HNF1A: variants seen among roughly 807,000 people sequenced by gnomAD.
HNF1A encodes the protein hepatocyte nuclear factor 1-alpha.
In HNF1A, 21 loss-of-function variants were observed where a neutral mutation model predicts 62.2. The observed-to-expected ratio is 0.34, with a 90% CI of 0.24 to 0.49. The LOEUF (loss-of-function observed/expected upper bound fraction) is 0.49, where lower values mean the gene tolerates loss of function less well. Among genes scored for constraint, HNF1A ranks in the 20% least tolerant of loss-of-function variants. The pLI is 0.99. For missense variants in HNF1A, 687 were observed against 832.3 expected (o/e 0.83, Z 2.15); for synonymous variants, 374 against 366.8 (o/e 1.02, Z -0.22).
Position 120,979,085 on chromosome 12 carries a change from C to A in HNF1A, c.317C>A (p.Thr106Asn). ...GCCCACCAGAAAGCCGTGGTGGAGA[C>A]CCTTCTGCAGTAAGGAGCCCTGCCC... ...EAAHQKAVVE[T>N]LLQEDPWRVA... The change falls in exon 1 of 10, where the codon ACC (threonine) becomes AAC (asparagine). Residue 106 changes from threonine to asparagine, a missense_variant. By Grantham distance (65) the Thr-to-Asn change is moderately conservative. Around this residue, in one of 5 missense-constraint regions of HNF1A, gnomAD observed 159 missense variants for 154.4 expected, o/e 1.03. Coordinates refer to ENST00000257555, the MANE Select transcript of HNF1A (RefSeq NM_000545.8). 3.7e-6 allele frequency: 6 copies of A among 1,609,678 alleles called. No homozygotes were observed. Among genetic ancestry groups the A allele is most frequent in the Non-Finnish European group, 4.2e-6 (5 of 1,178,306 alleles).
chr12:120,997,308 C>T (rs192905182), intron 6 of HNF1A, 166 bp from the exon 7 acceptor site: 1 of 1,372,874 alleles, frequency 7.3e-7, no homozygotes, highest in South Asian at 1.5e-5. Flanking sequence ...CTTGCCAGAG[C>T]CACTTAAATT....
intron 1 of HNF1A, among the ~76,000 whole-genome samples, chr12:120,987,590 AT>A (rs374868264): frequency 0.71 from 106,142 of 149,456 alleles, 38,607 homozygotes; most frequent in Middle Eastern, 0.84. Context: ...ATTTTTAAAA[AT>A]ATATATATAT....
At position 120,978,813 on chromosome 12, in the gene HNF1A, C is replaced by T; in HGVS notation, c.45C>T (p.Ala15=). ...AGCTGCAGACGGAGCTCCTGGCGGC[C>T]CTGCTCGAGTCAGGGCTGAGCAAAG... ...LSQLQTELLA[A]LLESGLSKEA... Residue 15 remains alanine, a synonymous_variant, in exon 1 of 10, where the codon GCC becomes GCT. Coordinates refer to ENST00000257555, the MANE Select transcript of HNF1A (RefSeq NM_000545.8). 6.2e-7 allele frequency: 1 copy of T among 1,613,112 alleles called. No individual in the cohort carries two copies. Among genetic ancestry groups the T allele is most frequent in the Non-Finnish European group, 8.5e-7 (1 of 1,179,876 alleles).
intron 7 of HNF1A, among the ~76,000 whole-genome samples, chr12:120,998,813 AC>A (rs1565887644): frequency 6.6e-6 from 1 of 152,186 alleles, no homozygotes; most frequent in African/African-American, 2.4e-5. Context: ...AACTTACTAC[AC>A]AGCACCTGAG....
At chr12:120,993,422 G>C (rs1169300) in intron 2 of HNF1A, 98 bp from the exon 3 acceptor site, 1 of 1,216,152 alleles carries the variant, frequency 8.2e-7, no homozygotes, top group African/African-American at 1.5e-5. Context: ...CTGGTTCAGC[G>C]CCATGGCAAT....
At chr12:120,980,586 G>A (rs1223496842) in intron 1 of HNF1A, 1 of 152,080 alleles carries the variant, frequency 6.6e-6, no homozygotes, top group African/African-American at 2.4e-5. Context: ...CCTGCCCAGG[G>A]CCCCAGATGG....
In HNF1A at chr12:120,999,310, C is replaced by A. The variant is rs745460046; in HGVS notation, c.1544C>A (p.Thr515Lys). The A allele has an allele frequency of 1.3e-5, 21 of 1,613,874 alleles. No homozygotes were observed. The African/African-American group carries it at 2.0e-4, about 15-fold the overall frequency. The part of the protein sequence containing the change: ...HKPEVAQYTH[T>K]GLLPQTMLIT... Reference sequence around the variant, plus strand: ...CCCGAGGTGGCCCAGTACACCCACACGGGCCTGCTCCCGCAGACTATGCTC... The same window carrying A: ...CCCGAGGTGGCCCAGTACACCCACAAGGGCCTGCTCCCGCAGACTATGCTC... The change falls in exon 8 of 10, where the codon ACG becomes AAG. Residue 515 changes from threonine to lysine, a missense_variant. Around this residue, in one of 5 missense-constraint regions of HNF1A, gnomAD observed 408 missense variants for 455.3 expected, o/e 0.90. Coordinates refer to ENST00000257555, the MANE Select transcript of HNF1A (RefSeq NM_000545.8).
intron 2 of HNF1A, among the ~76,000 whole-genome samples, chr12:120,991,364 C>A (rs1001035045): frequency 6.6e-6 from 1 of 152,208 alleles, no homozygotes; most frequent in African/African-American, 2.4e-5. Context: ...GAGGCCAAGG[C>A]AGGTGGCTCA....
At chr12:120,994,678 A>G (rs904658037) in intron 4 of HNF1A, among the ~76,000 whole-genome samples, 1 of 146,182 alleles carries the variant, frequency 6.8e-6, no homozygotes, top group African/African-American at 2.6e-5. Flanking sequence ...CACTCCATCC[A>G]CTCTACTCCA....
At chr12:120,993,751 G>T (rs781646721) in intron 3 of HNF1A, 45 bp downstream of exon 3, 1 of 1,595,880 alleles carries the variant, frequency 6.3e-7, no homozygotes, top group African/African-American at 1.3e-5. Flanking sequence ...TCTGGGCTGC[G>T]GCAAGGCCAG....
Position 120,978,887 on chromosome 12 carries a change from G to A in HNF1A, c.119G>A (p.Gly40Glu), listed in dbSNP as rs1330403052. 3.7e-6 allele frequency: 6 copies of A among 1,613,434 alleles called. No homozygotes were observed. The highest frequency in any genetic ancestry group is 4.2e-6 in the Non-Finnish European group (5 of 1,179,802). The change falls in exon 1 of 10, where the codon GGA (glycine) becomes GAA (glutamate). Residue 40 changes from glycine (G) to glutamate (E), a missense_variant. Physicochemically the swap from Gly to Glu is moderately conservative, Grantham distance 98 (BLOSUM62 -2). Transcript: ENST00000257555. ...GAGCCGGGGCCCTACCTCCTGGCTG[G>A]AGAAGGCCCCCTGGACAAGGGGGAG... The part of the protein sequence containing the change: ...LGEPGPYLLA[G>E]EGPLDKGESC...
intron 9 of HNF1A, among the ~76,000 whole-genome samples, chr12:120,999,884 G>T (rs568516127): frequency 6.6e-6 from 1 of 152,182 alleles, no homozygotes; most frequent in Non-Finnish European, 1.5e-5. Flanking sequence ...TGAAGTAATT[G>T]TTAGAGGCAG....
At chr12:120,983,576 C>T (rs1876356557) in intron 1 of HNF1A, among the ~76,000 whole-genome samples, 1 of 149,994 alleles carries the variant, frequency 6.7e-6, no homozygotes, top group Non-Finnish European at 1.5e-5. Context: ...GATGGAGTCT[C>T]ACTCTGTTGC....
At chr12:120,981,915 T>G (rs1031701997) in intron 1 of HNF1A, among the ~76,000 whole-genome samples, 2 of 152,194 alleles carry the variant, frequency 1.3e-5, no homozygotes, top group Non-Finnish European at 2.9e-5. Context: ...TGGGATTGTC[T>G]GAGGCCCTGA....
rs189924813 is a variant in HNF1A, at chr12:121,001,500, G to T, written c.*308G>T. ...GTCTTCTTACTTGGAACTGAAGGGGGCGGCCTATGACTTGGGCACCCCCAG... is the reference window on the plus strand; with the variant it reads ...GTCTTCTTACTTGGAACTGAAGGGGTCGGCCTATGACTTGGGCACCCCCAG... On this transcript the variant is annotated 3_prime_UTR_variant, in exon 10 of 10. Transcript: ENST00000257555. 5.3e-4 allele frequency: 246 copies of T among 464,544 alleles called. No individual in the cohort carries two copies. The highest frequency in any genetic ancestry group is 4.5e-3 in the African/African-American group (234 of 51,568). 28.8% of individuals were successfully genotyped at this position (464,544 alleles called of 1,614,324 possible). A position where few individuals can be genotyped will look rare whatever the true frequency, so the allele number is the denominator to read the frequency against.
At chr12:120,981,411 T>G (rs902876527) in intron 1 of HNF1A, among the ~76,000 whole-genome samples, 2 of 152,206 alleles carry the variant, frequency 1.3e-5, no homozygotes, top group Non-Finnish European at 2.9e-5. Flanking sequence ...TCTGTTCCTC[T>G]CCTTCTGCCT....
chr12:120,991,874 C>T (rs984125041), intron 2 of HNF1A, among the ~76,000 whole-genome samples: 12 of 152,106 alleles, frequency 7.9e-5, no homozygotes, highest in Non-Finnish European at 1.8e-4. Flanking sequence ...CATCACTAGA[C>T]GAAATTTTAC....
chr12:120,997,701 G>C, intron 7 of HNF1A, 36 bp downstream of exon 7: 1 of 1,584,008 alleles, frequency 6.3e-7, no homozygotes, highest in Non-Finnish European at 8.6e-7. Context: ...AGGAGATGAT[G>C]ATAGAGGTTG....
chr12:120,990,684 AAGG>A (rs1876792308), intron 2 of HNF1A, among the ~76,000 whole-genome samples: 1 of 149,794 alleles, frequency 6.7e-6, no homozygotes, highest in African/African-American at 2.5e-5. Flanking sequence ...GAAAGGGAGG[AAGG>A]AAGGAAGGAA....
Sources: allele counts gnomAD v4.1 joint callset (sites outside exome capture counted in the v4.1 genomes callset), GRCh38; gene constraint gnomAD v4.1.1; regional missense constraint gnomAD v4.1.1; transcripts MANE v1.5; gene names NCBI Gene and HGNC (gene_info 2026-07-23, HGNC 2026-07-21).